The following USHBP1 variants were observed in gnomAD, a reference collection of about 807,000 sequenced individuals.
USHBP1 encodes harmonin-binding protein USHBP1.
Under a neutral mutation model 76.2 loss-of-function variants are expected in USHBP1, and 67 were observed. The observed-to-expected ratio is 0.88, with a 90% CI of 0.72 to 1.08. The LOEUF (loss-of-function observed/expected upper bound fraction) is 1.08, where lower values mean the gene tolerates loss of function less well. USHBP1 is among the 50% of genes least tolerant of loss of function. USHBP1 has a pLI of 0.00. For missense variants in USHBP1, 931 were observed against 915.0 expected, an observed-to-expected ratio of 1.02 and a Z score of -0.23; for synonymous variants, 322 against 362.2, an observed-to-expected ratio of 0.89 and a Z score of 1.26.
At chr19:17,254,313 C>T (rs979621992) in intron 10 of USHBP1, among the ~76,000 whole-genome samples, 8 of 151,334 alleles carry the variant, frequency 5.3e-5, no homozygotes, top group Non-Finnish European at 1.0e-4. Context: ...CACCACTGCA[C>T]TCCAGCCTGG....
chr19:17,263,954 A>G (rs2073721299), intron 3 of USHBP1, 48 bp downstream of exon 3: 4 of 1,479,316 alleles, frequency 2.7e-6, no homozygotes, highest in Non-Finnish European at 3.6e-6. Context: ...GTGGATGGCA[A>G]AGATGCGTCT....
chr19:17,255,257 A>G, intron 10 of USHBP1, 128 bp downstream of exon 10: 1 of 1,069,766 alleles, frequency 9.3e-7, no homozygotes, highest in South Asian at 1.6e-5. Context: ...GCAACATTGC[A>G]TTCCAGCCTG....
intron 3 of USHBP1, chr19:17,263,723 T>G (rs2073718382): frequency 5.7e-6 from 2 of 349,896 alleles, no homozygotes; most frequent in South Asian, 1.5e-4. Flanking sequence ...AATGCAAAAC[T>G]TAGCCGGATG....
chr19:17,261,121 A>AAAGCCC (rs1333858744), intron 4 of USHBP1, among the ~76,000 whole-genome samples: 2 of 151,998 alleles, frequency 1.3e-5, no homozygotes, highest in African/African-American at 4.8e-5. Context: ...TAATCCAAGC[A>AAAGCCC]AAGCCCAAGC....
At position 17,258,422 on chromosome 19, in the gene USHBP1, A is replaced by G. The variant is rs774009471; in HGVS notation, c.1047-37T>C. ...TGGTTCTGAGTGCTTCAGGACACTC[A>G]GCTCGGCTGGGTGCAATGGCCCTCA... On this transcript the variant is annotated intron_variant, in intron 7 of 12. Transcript: ENST00000252597. The G allele has an allele frequency of 4.4e-6, 7 of 1,592,720 alleles. No homozygotes were observed. In the East Asian group the frequency reaches 1.6e-4, roughly 36 times the overall value.
At chr19:17,252,536 G>A (rs2073565833) in intron 10 of USHBP1, among the ~76,000 whole-genome samples, 1 of 151,918 alleles carries the variant, frequency 6.6e-6, no homozygotes, top group Admixed American at 6.6e-5. Flanking sequence ...AGACCAGCCT[G>A]GTCAACATGG....
At chr19:17,252,833 G>A (rs1439914135) in intron 10 of USHBP1, among the ~76,000 whole-genome samples, 2 of 151,584 alleles carry the variant, frequency 1.3e-5, no homozygotes, top group African/African-American at 4.8e-5. Flanking sequence ...GTTGGAGTAA[G>A]CTGGGATCGC....
chr19:17,253,787 G>C (rs920494371), intron 10 of USHBP1, among the ~76,000 whole-genome samples: 17 of 149,600 alleles, frequency 1.1e-4, no homozygotes, highest in African/African-American at 3.9e-4. Flanking sequence ...CCAGCTACTC[G>C]GGAAGCCAAA....
chr19:17,255,524 CG>C lies in USHBP1; in HGVS notation c.1552del (p.Arg518GlufsTer73). The C allele has an allele frequency of 6.2e-7, 1 of 1,613,780 alleles. No individual in the cohort carries two copies. The highest frequency in any genetic ancestry group is 8.5e-7 in the Non-Finnish European group (1 of 1,179,862). ...RGLELREAAL[R>X]ALGPAHVLLL... is the part of the protein sequence containing the mutation. ...GAGCACGTGAGCTGGACCCAGGGCT[CG>C]GAGGGCAGCCTCCCGCAGCTCTAGG... is the stretch of plus-strand genomic sequence containing the variant. On this transcript the variant is annotated frameshift_variant, in exon 10 of 13. Coordinates refer to ENST00000252597, the MANE Select transcript of USHBP1 (RefSeq NM_031941.4). LOFTEE classifies it high-confidence loss of function.
rs1046932974 is a variant in USHBP1 at position 17,262,517 on chromosome 19, G to A, written c.642+35C>T. 5 of 1,566,754 alleles carry A rather than the reference G, an allele frequency of 3.2e-6. No individual in the cohort carries two copies. The African/African-American group carries it at 6.8e-5, about 21-fold the overall frequency. The stretch of plus-strand genomic sequence containing the variant: ...TCAGGCCCACCTCCTCCCTCAGACA[G>A]AGAGCCACATGGGACTCAGGATGGC... On this transcript the variant is annotated intron_variant, in intron 4 of 12. Transcript: ENST00000252597.
chr19:17,259,529 C>G (rs2073662361), intron 6 of USHBP1, 67 bp downstream of exon 6: 3 of 1,604,774 alleles, frequency 1.9e-6, no homozygotes, highest in Non-Finnish European at 2.6e-6. Context: ...GCTTCAGACT[C>G]CTGGCTTTAT....
rs141909694 is a variant in USHBP1, at chr19:17,249,724, G to A, written c.*501C>T. On this transcript the variant is annotated 3_prime_UTR_variant, in exon 13 of 13. Coordinates refer to ENST00000252597, the MANE Select transcript of USHBP1 (RefSeq NM_031941.4). ...TGGTCTTGAACTCCTGGGCTCAAGT[G>A]ATCTACCCACCTTGGCCTCCCAAAA... The A allele has an allele frequency of 0.015, 2,291 of 156,440 alleles. 35 individuals are homozygous for A. The highest frequency in any genetic ancestry group is 0.039 in the South Asian group (203 of 5,216). 9.7% of individuals were successfully genotyped at this position (156,440 alleles called of 1,614,324 possible). A position where few individuals can be genotyped will look rare whatever the true frequency, so the allele number is the denominator to read the frequency against.
In USHBP1 at chr19:17,259,326, C is replaced by A. The variant is rs1313297855; in HGVS notation, c.1009G>T (p.Ala337Ser). Reference sequence around the variant, plus strand: ...GCCAGATGCAATGCTGTGGCCTCAGCCTCCCGCTGGCCTAGCTGCATGCTG... The same window carrying A: ...GCCAGATGCAATGCTGTGGCCTCAGACTCCCGCTGGCCTAGCTGCATGCTG... ...GLSMQLGQRE[A>S]EATALHLALQ... is the part of the protein sequence containing the mutation. Residue 337 changes from alanine (A) to serine (S), a missense_variant, in exon 7 of 13, where the codon GCT becomes TCT. Physicochemically the swap from Ala to Ser is moderately conservative, Grantham distance 99 (BLOSUM62 1). Transcript: ENST00000252597. The A allele has an allele frequency of 2.5e-6, 4 of 1,613,976 alleles. No individual in the cohort carries two copies. Among genetic ancestry groups the A allele is most frequent in the African/African-American group, 2.7e-5 (2 of 74,924 alleles).
At position 17,259,738 on chromosome 19, in the gene USHBP1, A is replaced by G; in HGVS notation, c.769-6T>C. On this transcript the variant is annotated splice_polypyrimidine_tract_variant and splice_region_variant and intron_variant, in intron 5 of 12. Coordinates refer to ENST00000252597, the MANE Select transcript of USHBP1 (RefSeq NM_031941.4). Reference sequence around the variant, plus strand: ...TGAGCCAGGGAGAAGGAGTCCTGCCAAGAAGAAGTGATATAACTGACCCCA... The same window carrying G: ...TGAGCCAGGGAGAAGGAGTCCTGCCGAGAAGAAGTGATATAACTGACCCCA... 1 of 1,607,304 alleles carries G rather than the reference A, an allele frequency of 6.2e-7. No homozygotes were observed. Among genetic ancestry groups the G allele is most frequent in the Non-Finnish European group, 8.5e-7 (1 of 1,177,108 alleles).
At chr19:17,255,700 G>A (rs2073611536) in intron 9 of USHBP1, 94 bp from the exon 10 acceptor site, 1 of 1,348,396 alleles carries the variant, frequency 7.4e-7, no homozygotes, top group Non-Finnish European at 1.0e-6. Flanking sequence ...GGACTATTCA[G>A]ACAAAAACTG....
rs560115509 is a variant in USHBP1 at position 17,252,755 on chromosome 19, C to T, written c.1693-738G>A. Among the ~76,000 whole-genome samples the T allele has an allele frequency of 7.3e-5, 11 of 151,056 alleles. No individual in the cohort carries two copies. The South Asian group carries it at 8.4e-4, about 12-fold the overall frequency. On this transcript the variant is annotated intron_variant, in intron 10 of 12. Transcript: ENST00000252597. ...AAAAAAAATTAGCCAGGCATGGTGG[C>T]GGGCACCTGGAGTCCCAACTAACTG...
chr19:17,263,878 A>T, intron 3 of USHBP1, 124 bp downstream of exon 3: 3 of 1,321,242 alleles, frequency 2.3e-6, no homozygotes, highest in Non-Finnish European at 3.0e-6. Flanking sequence ...AAAAAAAGAA[A>T]GTCAGGCTGA....
intron 10 of USHBP1, among the ~76,000 whole-genome samples, chr19:17,254,621 A>G (rs2073595551): frequency 6.6e-6 from 1 of 150,558 alleles, no homozygotes; most frequent in South Asian, 2.1e-4. Flanking sequence ...GGGCCATTGC[A>G]CTCCAGCCTG....
rs1272573329 is a variant in USHBP1, at chr19:17,259,989, C to T, written c.676G>A (p.Glu226Lys). 6.2e-7 allele frequency: 1 copy of T among 1,613,896 alleles called. No homozygotes were observed. ...TTGTGGGAAAGATGTGGGCAGGGCT[C>T]CAGCCTCAAGAGGGAATCCTGCAGC... ...QELQDSLLRL[E>K]PCPHLSHNQA... The change falls in exon 5 of 13, where the codon GAG becomes AAG. Residue 226 changes from glutamate to lysine, a missense_variant. Glu to Lys is a moderately conservative substitution (Grantham distance 56). Transcript: ENST00000252597.
Sources: gnomAD v4.1 joint callset for allele counts (sites outside exome capture counted in the v4.1 genomes callset) on GRCh38, gnomAD v4.1.1 for gene constraint, MANE v1.5 for transcripts, NCBI Gene and HGNC (gene_info 2026-07-23, HGNC 2026-07-21) for gene names.